Variants in MDH2 observed in about 807,000 individuals in gnomAD.
MDH2 encodes the protein malate dehydrogenase 2.
A neutral mutation model predicts 33.6 loss-of-function variants in MDH2; 25 were observed. The observed-to-expected ratio is 0.74, with a 90% CI of 0.54 to 1.04. MDH2 has a LOEUF of 1.04. Ranked by LOEUF, MDH2 falls within the 50% of genes least tolerant of loss-of-function variation. The pLI, the probability that MDH2 is intolerant of heterozygous loss-of-function variation, is 0.00. For synonymous variants in MDH2, 193 were observed against 188.7 expected (o/e 1.02, Z -0.19); for missense variants, 432 against 445.0 (o/e 0.97, Z 0.26).
intron 2 of MDH2, among the ~76,000 whole-genome samples, chr7:76,057,054 G>C (rs556198265): frequency 1.3e-5 from 2 of 152,208 alleles, no homozygotes; most frequent in Admixed American, 1.3e-4. Flanking sequence ...TGTGGTGATG[G>C]GGAATGAGCA....
intron 4 of MDH2, among the ~76,000 whole-genome samples, chr7:76,059,351 G>T (rs1487842395): frequency 6.6e-6 from 1 of 152,200 alleles, no homozygotes; most frequent in African/African-American, 2.4e-5. Flanking sequence ...CATGGATAAG[G>T]TGGGACTATC....
At chr7:76,054,807 C>T in intron 1 of MDH2, 23 bp from the exon 2 acceptor site, 1 of 1,613,978 alleles carries the variant, frequency 6.2e-7, no homozygotes, top group Non-Finnish European at 8.5e-7. Flanking sequence ...TCCTAAGAGT[C>T]CTTTCTCTGT....
intron 4 of MDH2, among the ~76,000 whole-genome samples, chr7:76,058,478 T>C (rs1279710874): frequency 6.6e-6 from 1 of 152,194 alleles, no homozygotes; most frequent in African/African-American, 2.4e-5. Flanking sequence ...AGTAGGTGCC[T>C]GAACCCTGAA....
At chr7:76,048,774 G>T in intron 1 of MDH2, 1 of 1,227,608 alleles carries the variant, frequency 8.1e-7, no homozygotes, top group Non-Finnish European at 1.0e-6. Context: ...AACCTTTTTG[G>T]AGGATCTCTC....
At chr7:76,055,384 G>C (rs782672056) in intron 2 of MDH2, among the ~76,000 whole-genome samples, 11 of 152,018 alleles carry the variant, frequency 7.2e-5, no homozygotes, top group Non-Finnish European at 1.5e-4. Flanking sequence ...CGGCCTCTTT[G>C]GGAAACCTCC....
At chr7:76,063,662 A>G (rs782191582) in intron 6 of MDH2, 70 bp downstream of exon 6, 133 of 1,481,888 alleles carry the variant, frequency 9.0e-5, no homozygotes, top group Non-Finnish European at 1.1e-4. Context: ...CTTTGAGGTG[A>G]TCCCGGTAGA....
At chr7:76,057,619 T>A in intron 3 of MDH2, 126 bp downstream of exon 3, 1 of 913,282 alleles carries the variant, frequency 1.1e-6, no homozygotes, top group Non-Finnish European at 1.7e-6. Flanking sequence ...AGCTCCCCTT[T>A]CCTGTGGGGT....
intron 6 of MDH2, among the ~76,000 whole-genome samples, chr7:76,063,879 A>G (rs1798020389): frequency 6.6e-6 from 1 of 152,154 alleles, no homozygotes; most frequent in Non-Finnish European, 1.5e-5. Flanking sequence ...TTTTTCAAAA[A>G]TGAGTCCAGG....
chr7:76,063,434 T>C, intron 5 of MDH2, 81 bp from the exon 6 acceptor site: 4 of 1,377,096 alleles, frequency 2.9e-6, no homozygotes, highest in Non-Finnish European at 3.1e-6. Flanking sequence ...GCTTTTCCAG[T>C]GTTGGGGCTG....
Position 76,067,372 on chromosome 7 carries a change from G to A in MDH2, c.*962G>A, listed in dbSNP as rs1470876229. The stretch of plus-strand genomic sequence containing the variant: ...GTTCATCTGTCCACAACAGCTTTTT[G>A]TTTTTTTAAAAAAGCTAAAATGGAA... On this transcript the variant is annotated 3_prime_UTR_variant, in exon 9 of 9. Coordinates refer to ENST00000315758, the MANE Select transcript of MDH2 (RefSeq NM_005918.4). 3 of 151,982 alleles carry A rather than the reference G, an allele frequency of 2.0e-5. No individual in the cohort carries two copies. The highest frequency in any genetic ancestry group is 4.4e-5 in the Non-Finnish European group (3 of 67,978). 9.4% of individuals were successfully genotyped at this position (151,982 alleles called of 1,614,324 possible).
At position 76,062,941 on chromosome 7, in the gene MDH2, G is replaced by A. The variant is rs78347035; in HGVS notation, c.556-574G>A. On this transcript the variant is annotated intron_variant, in intron 5 of 8. Transcript: ENST00000315758. The stretch of plus-strand genomic sequence containing the variant: ...ACCTGGTTCACAGATTCTTGGGGGT[G>A]TGGTACCTCCAGTTTAAGAAATGAG... Among the ~76,000 whole-genome samples the A allele has an allele frequency of 3.3e-3, 500 of 152,310 alleles. 15 individuals carry two copies. The East Asian group carries it at 0.077, about 23-fold the overall frequency.
At chr7:76,056,980 T>G (rs555746642) in intron 2 of MDH2, among the ~76,000 whole-genome samples, 1 of 149,680 alleles carries the variant, frequency 6.7e-6, no homozygotes, top group Non-Finnish European at 1.5e-5. Flanking sequence ...ACCACTGCAC[T>G]CCAGCCTGGG....
intron 1 of MDH2, chr7:76,048,598 T>TA (rs2116628649): frequency 7.7e-7 from 1 of 1,299,894 alleles, no homozygotes; most frequent in South Asian, 2.5e-5. Flanking sequence ...TTGACGTAGC[T>TA]AATCTCCTTG....
At chr7:76,053,250 G>T (rs144535817) in intron 1 of MDH2, among the ~76,000 whole-genome samples, 1 of 152,094 alleles carries the variant, frequency 6.6e-6, no homozygotes, top group Non-Finnish European at 1.5e-5. Context: ...GATGGAGGGA[G>T]GGGGGCAGGA....
chr7:76,055,130 C>A, intron 2 of MDH2, 132 bp downstream of exon 2: 1 of 1,025,446 alleles, frequency 9.8e-7, no homozygotes, highest in Non-Finnish European at 1.4e-6. Context: ...TTAAATTTTA[C>A]AAGTGATTAC....
rs1797842167 is a variant in MDH2 at position 76,058,192 on chromosome 7, GAT to G, written c.429+116_429+117del. 3.1e-6 allele frequency: 3 copies of G among 958,942 alleles called. No individual in the cohort carries two copies. The African/African-American group carries it at 4.8e-5, about 15-fold the overall frequency. 59.4% of individuals were successfully genotyped at this position (958,942 alleles called of 1,614,324 possible). A position where few individuals can be genotyped will look rare whatever the true frequency, so the allele number is the denominator to read the frequency against. On this transcript the variant is annotated intron_variant, in intron 4 of 8. Coordinates refer to ENST00000315758, the MANE Select transcript of MDH2 (RefSeq NM_005918.4). Reference sequence around the variant, plus strand: ...TGCTGATGTGCTGGGGGGATGGGGGGATACACAGATGAAGGGGCTGAAATGGA... The same window carrying G: ...TGCTGATGTGCTGGGGGGATGGGGGGACACAGATGAAGGGGCTGAAATGGA...
rs1554585952 is a variant in MDH2, at chr7:76,054,836, GCTAAA to G, written c.74_78del (p.Ala25GlyfsTer31). 2 of 1,613,776 alleles carry G rather than the reference GCTAAA, an allele frequency of 1.2e-6. No individual in the cohort carries two copies. The highest frequency in any genetic ancestry group is 8.5e-7 in the Non-Finnish European group (1 of 1,179,936). On this transcript the variant is annotated frameshift_variant, in exon 2 of 9. Transcript: ENST00000315758. LOFTEE classifies it high-confidence loss of function. ...TCTCTGTGCCTCTTTTTAGAACAAT[GCTAAA>G]GTAGCTGTGCTAGGGGCCTCTGGAG...
At chr7:76,058,892 T>A (rs1554586637) in intron 4 of MDH2, among the ~76,000 whole-genome samples, 1 of 152,194 alleles carries the variant, frequency 6.6e-6, no homozygotes, top group Non-Finnish European at 1.5e-5. Flanking sequence ...GGCAAAGGGT[T>A]GACCCCTGTC....
intron 2 of MDH2, among the ~76,000 whole-genome samples, chr7:76,056,237 G>A (rs782031454): frequency 1.3e-5 from 2 of 152,166 alleles, no homozygotes; most frequent in Admixed American, 6.5e-5. Flanking sequence ...ATATATTAAT[G>A]TAAGTTGCAG....
Sources: gnomAD v4.1 joint callset for allele counts (sites outside exome capture counted in the v4.1 genomes callset) on GRCh38, gnomAD v4.1.1 for gene constraint, MANE v1.5 for transcripts, NCBI Gene and HGNC (gene_info 2026-07-23, HGNC 2026-07-21) for gene names.